The following CNIH3 variants were observed in gnomAD, a reference collection of about 807,000 sequenced individuals.
CNIH3 encodes the protein cornichon family AMPA receptor auxiliary protein 3, also known as protein cornichon homolog 3.
Under a neutral mutation model 24.1 loss-of-function variants are expected in CNIH3, and 14 were observed. That is an observed-to-expected ratio of 0.58 (90% confidence interval 0.38 to 0.91). The LOEUF is 0.91. Ranked by LOEUF, CNIH3 falls within the 40% of genes least tolerant of loss-of-function variation. The probability of loss-of-function intolerance (pLI) is 0.00; values close to 1 mark genes in which losing one functional copy is unlikely to be tolerated. For missense variants in CNIH3, 178 were observed against 196.8 expected (o/e 0.90, Z 0.57); for synonymous variants, 68 against 73.8 (o/e 0.92, Z 0.40).
chr1:224,641,168 G>A lies in CNIH3; in HGVS notation c.81+23913G>A, dbSNP rs192991636. Among the ~76,000 whole-genome samples the A allele has an allele frequency of 6.9e-3, 1,045 of 152,248 alleles. 1 individual carries two copies. The highest frequency in any genetic ancestry group is 0.011 in the Admixed American group (168 of 15,298). On this transcript the variant is annotated intron_variant, in intron 1 of 5. Coordinates refer to ENST00000272133, the MANE Select transcript of CNIH3 (RefSeq NM_152495.2). The stretch of plus-strand genomic sequence containing the variant: ...GGAGATGCCTGGGCTAAGCCTCCTC[G>A]GCATACATCGGCACTACCCTGCTGC...
intron 4 of CNIH3, chr1:224,574,754 C>A: frequency 8.6e-7 from 1 of 1,168,190 alleles, no homozygotes. Flanking sequence ...ACCTGGACCT[C>A]TACCTTATTC....
chr1:224,553,090 G>A (rs777856546), intron 3 of CNIH3, among the ~76,000 whole-genome samples: 5 of 148,258 alleles, frequency 3.4e-5, no homozygotes, highest in Admixed American at 6.7e-5. Context: ...GATATTAGGA[G>A]TAATATATCT....
At chr1:224,659,883 A>G (rs1369251591) in intron 1 of CNIH3, among the ~76,000 whole-genome samples, 1 of 152,214 alleles carries the variant, frequency 6.6e-6, no homozygotes, top group Non-Finnish European at 1.5e-5. Context: ...AAGCAGCAAG[A>G]CACATTCTGA....
downstream of CNIH3, among the ~76,000 whole-genome samples, chr1:224,589,122 G>A (rs1459930261): frequency 6.6e-6 from 1 of 152,094 alleles, no homozygotes; most frequent in Non-Finnish European, 1.5e-5. Flanking sequence ...CAATGCGCGA[G>A]TTGAAACTTT....
At chr1:224,443,646 T>A (rs1572249008) in intron 1 of CNIH3, among the ~76,000 whole-genome samples, 2 of 151,866 alleles carry the variant, frequency 1.3e-5, no homozygotes, top group South Asian at 4.2e-4. Context: ...AAATGATTGC[T>A]CTGCCCAATT....
intron 3 of CNIH3, among the ~76,000 whole-genome samples, chr1:224,699,825 AC>A (rs1252754056): frequency 6.6e-6 from 1 of 152,166 alleles, no homozygotes; most frequent in Non-Finnish European, 1.5e-5. Flanking sequence ...CATGCACTGC[AC>A]AGGGGATTGA....
intron 1 of CNIH3, among the ~76,000 whole-genome samples, chr1:224,463,380 A>G (rs534123998): frequency 1.9e-4 from 29 of 151,668 alleles, no homozygotes; most frequent in African/African-American, 6.8e-4. Flanking sequence ...TTTTCTCGTT[A>G]TTAATTTTTG....
chr1:224,732,752 C>T (rs374662576), intron 4 of CNIH3, among the ~76,000 whole-genome samples: 1 of 152,136 alleles, frequency 6.6e-6, no homozygotes, highest in African/African-American at 2.4e-5. Context: ...GGCACTGCTT[C>T]GTGGGGCTAG....
intron 1 of CNIH3, among the ~76,000 whole-genome samples, chr1:224,673,196 A>C (rs1311160345): frequency 6.6e-6 from 1 of 152,200 alleles, no homozygotes; most frequent in Non-Finnish European, 1.5e-5. Context: ...ATGTCCATGC[A>C]ACTCCTTTTG....
At chr1:224,632,477 T>C (rs6664616) in intron 1 of CNIH3, among the ~76,000 whole-genome samples, 74,603 of 151,916 alleles carry the variant, frequency 0.49, 19,290 homozygotes, top group East Asian at 0.71. Flanking sequence ...GTCATCAGCA[T>C]GCCTTTGGGT....
At chr1:224,669,606 A>G (rs1685764174) in intron 1 of CNIH3, among the ~76,000 whole-genome samples, 1 of 152,212 alleles carries the variant, frequency 6.6e-6, no homozygotes, top group Non-Finnish European at 1.5e-5. Context: ...ATCATGCTCA[A>G]GGCCAGAAAG....
intron 5 of CNIH3, 36 bp downstream of exon 5, chr1:224,734,742 G>T: frequency 6.2e-7 from 1 of 1,609,398 alleles, no homozygotes. Flanking sequence ...TTTGACTCCT[G>T]CAGCAAAAGG....
At chr1:224,551,719 G>C (rs1173252) in intron 3 of CNIH3, among the ~76,000 whole-genome samples, 1 of 151,514 alleles carries the variant, frequency 6.6e-6, no homozygotes, top group Non-Finnish European at 1.5e-5. Flanking sequence ...GTAGTATATC[G>C]CCCTTAGATA....
intron 1 of CNIH3, among the ~76,000 whole-genome samples, chr1:224,643,729 G>C (rs1045106930): frequency 6.6e-6 from 1 of 152,226 alleles, no homozygotes; most frequent in Non-Finnish European, 1.5e-5. Flanking sequence ...TCAGCAGAAC[G>C]AGAGTCCTTC....
chr1:224,697,865 A>C (rs1213939314), intron 3 of CNIH3, among the ~76,000 whole-genome samples: 1 of 152,092 alleles, frequency 6.6e-6, no homozygotes, highest in African/African-American at 2.4e-5. Context: ...TCCAACTCCT[A>C]CTGCCCCTCT....
upstream of CNIH3, among the ~76,000 whole-genome samples, chr1:224,514,896 C>G (rs957040750): frequency 6.6e-6 from 1 of 152,192 alleles, no homozygotes; most frequent in Non-Finnish European, 1.5e-5. Flanking sequence ...CCCATACTAC[C>G]TTACACTCCT....
chr1:224,542,000 C>T (rs1572443407), downstream of CNIH3, among the ~76,000 whole-genome samples: 1 of 152,174 alleles, frequency 6.6e-6, no homozygotes, highest in Non-Finnish European at 1.5e-5. Context: ...CCAGTGGCTT[C>T]CAATTTTCTT....
intron 1 of CNIH3, among the ~76,000 whole-genome samples, chr1:224,471,886 G>A (rs566020720): frequency 7.7e-4 from 117 of 152,124 alleles, no homozygotes; most frequent in Non-Finnish European, 9.3e-4. Flanking sequence ...CACCGTGCCC[G>A]GCCTCTCATT....
In CNIH3 at chr1:224,458,706, A is replaced by T. The variant is rs1034774492; in HGVS notation, n.203+23844A>T. ...TTCAAGTGTGTGTTCAGGAACAGCA[A>T]ACTTTTGTCTTGCTTGGATCCACCC... On this transcript the variant is annotated intron_variant and non_coding_transcript_variant, in intron 1 of 5. Transcript: ENST00000471578. The surrounding 1 kb of genome is among the most constrained non-coding windows in gnomAD (Gnocchi z 4.3). 6.6e-6 allele frequency among the ~76,000 whole-genome samples: 1 copy of T among 152,180 alleles called. No homozygotes were observed. Among genetic ancestry groups the T allele is most frequent in the Non-Finnish European group, 1.5e-5 (1 of 68,028 alleles).
Sources: allele counts gnomAD v4.1 joint callset (sites outside exome capture counted in the v4.1 genomes callset), GRCh38; gene constraint gnomAD v4.1.1; non-coding constraint Gnocchi (gnomAD v3.1); transcripts MANE v1.5; gene names NCBI Gene and HGNC (gene_info 2026-07-23, HGNC 2026-07-21).